The following PLXNA4 variants were observed in gnomAD, a reference collection of about 807,000 sequenced individuals.
The protein encoded by PLXNA4 is plexin-A4.
Under a neutral mutation model 191.8 loss-of-function variants are expected in PLXNA4, and 44 were observed. The observed-to-expected ratio is 0.23, with a 90% CI of 0.18 to 0.29. The LOEUF (loss-of-function observed/expected upper bound fraction) is 0.29, where lower values mean the gene tolerates loss of function less well. Ranked by LOEUF, PLXNA4 falls within the 10% of genes least tolerant of loss-of-function variation. The pLI is 1.00. For missense variants in PLXNA4, 1,800 were observed against 2,488.8 expected, an observed-to-expected ratio of 0.72 and a Z score of 5.89; for synonymous variants, 1,082 against 1,009.5, an observed-to-expected ratio of 1.07 and a Z score of -1.36.
intron 1 of PLXNA4, among the ~76,000 whole-genome samples, chr7:132,543,905 G>A (rs1800184191): frequency 6.6e-6 from 1 of 152,202 alleles, no homozygotes; most frequent in Non-Finnish European, 1.5e-5. Context: ...ATCTGAGCTA[G>A]GGCTATGGTG....
At chr7:132,151,639 G>A (rs906463587) in intron 25 of PLXNA4, among the ~76,000 whole-genome samples, 1 of 151,268 alleles carries the variant, frequency 6.6e-6, no homozygotes, top group East Asian at 1.9e-4. Context: ...AGGAAGGAGA[G>A]GAAGAAGAGG....
rs190791576 is a variant in PLXNA4, at chr7:132,228,428, C to T, written c.1646G>A (p.Arg549His). Residue 549 changes from arginine (R) to histidine (H), a missense_variant, in exon 6 of 32, where the codon CGC (arginine) becomes CAC (histidine). Physicochemically the swap from Arg to His is conservative, Grantham distance 29 (BLOSUM62 0). Transcript: ENST00000321063. ...CTGCTTCATCTCCGAGGCAAACCTG[C>T]GGGGCTCCTTGGACCGCTCACACCG... Reference protein sequence around the residue: ...KERCERSKEPRRFASEMKQCV... With the variant: ...KERCERSKEPHRFASEMKQCV... 1.0e-4 allele frequency: 162 copies of T among 1,614,122 alleles called. 1 individual carries two copies. Among genetic ancestry groups the T allele is most frequent in the East Asian group, 3.8e-4 (17 of 44,856 alleles).
Position 132,146,557 on chromosome 7 carries a change from T to C in PLXNA4, c.5008A>G (p.Ser1670Gly). The change falls in exon 28 of 32, where the codon AGC becomes GGC. Residue 1670 changes from serine (S) to glycine (G), a missense_variant. Ser to Gly is a moderately conservative substitution (Grantham distance 56, BLOSUM62 0). Transcript: ENST00000321063. ...HGDQKEGDRG[S>G]KMVSEIYLTR... ...AGGTAGATTTCAGACACCATCTTGC[T>C]CCCCCGGTCCCCCTCCTTCTGGTCT... 1 of 1,614,098 alleles carries C rather than the reference T, an allele frequency of 6.2e-7. No homozygotes were observed. The highest frequency in any genetic ancestry group is 8.5e-7 in the Non-Finnish European group (1 of 1,180,000).
intron 3 of PLXNA4, among the ~76,000 whole-genome samples, chr7:132,323,142 C>T (rs959454908): frequency 5.3e-5 from 8 of 152,158 alleles, no homozygotes; most frequent in African/African-American, 1.7e-4. Context: ...CCCACGAGTT[C>T]ACCTTGTCCA....
chr7:132,460,003 C>T (rs116838165), intron 3 of PLXNA4, among the ~76,000 whole-genome samples: 1,674 of 151,434 alleles, frequency 0.011, 26 homozygotes, highest in African/African-American at 0.039. Flanking sequence ...AATGCAGTCA[C>T]GATGGCAACC....
chr7:132,637,222 T>G (rs1048628637), intron 2 of PLXNA4, among the ~76,000 whole-genome samples: 1 of 152,194 alleles, frequency 6.6e-6, no homozygotes, highest in African/African-American at 2.4e-5. Context: ...ACAATTTGTA[T>G]GCACAATCCT....
chr7:132,164,417 A>G, intron 23 of PLXNA4, 129 bp from the exon 24 acceptor site: 2 of 1,369,776 alleles, frequency 1.5e-6, no homozygotes, highest in Non-Finnish European at 1.9e-6. Context: ...CTGCTTTTAT[A>G]CTCAGCTCTT....
intron 3 of PLXNA4, among the ~76,000 whole-genome samples, chr7:132,449,614 T>C (rs1293176118): frequency 1.3e-5 from 2 of 152,172 alleles, no homozygotes; most frequent in Non-Finnish European, 2.9e-5. Context: ...CTTTTCTGGA[T>C]CCTCTGTCAC....
At chr7:132,305,380 A>T (rs1801475697) in intron 3 of PLXNA4, among the ~76,000 whole-genome samples, 1 of 147,620 alleles carries the variant, frequency 6.8e-6, no homozygotes, top group African/African-American at 2.6e-5. Context: ...ACACACACAC[A>T]CACACACACA....
intron 2 of PLXNA4, among the ~76,000 whole-genome samples, chr7:132,610,614 T>C (rs777773230): frequency 2.0e-5 from 3 of 152,226 alleles, no homozygotes; most frequent in Non-Finnish European, 4.4e-5. Flanking sequence ...CTCTACAATG[T>C]CTTCAAGACT....
chr7:132,578,961 T>A (rs549216887), upstream of PLXNA4, among the ~76,000 whole-genome samples: 5 of 152,334 alleles, frequency 3.3e-5, no homozygotes, highest in African/African-American at 1.2e-4. Flanking sequence ...TCAATGCTAC[T>A]GCCTCTTGAA....
chr7:132,230,087 C>T (rs1157189066), intron 5 of PLXNA4, among the ~76,000 whole-genome samples: 1 of 152,176 alleles, frequency 6.6e-6, no homozygotes, highest in East Asian at 1.9e-4. Context: ...GTAAAAAACA[C>T]CCCTGAACAG....
intron 3 of PLXNA4, among the ~76,000 whole-genome samples, chr7:132,321,683 G>A (rs1802172278): frequency 6.6e-6 from 1 of 152,230 alleles, no homozygotes; most frequent in South Asian, 2.1e-4. Flanking sequence ...GGGACACGTG[G>A]ACACATGTTA....
intron 21 of PLXNA4, among the ~76,000 whole-genome samples, chr7:132,173,961 G>T (rs10261401): frequency 1.1e-4 from 17 of 152,270 alleles, no homozygotes; most frequent in African/African-American, 4.1e-4. Flanking sequence ...GGCAACCACT[G>T]AACTCTGGCC....
At chr7:132,615,261 G>A (rs906266316) in intron 2 of PLXNA4, among the ~76,000 whole-genome samples, 2 of 152,184 alleles carry the variant, frequency 1.3e-5, no homozygotes, top group African/African-American at 4.8e-5. Flanking sequence ...GGCTGGGAAA[G>A]TGATGATGTC....
chr7:132,503,367 G>A (rs1314077033), intron 2 of PLXNA4, among the ~76,000 whole-genome samples: 2 of 152,228 alleles, frequency 1.3e-5, no homozygotes, highest in Admixed American at 6.5e-5. Context: ...AGTGTTGGAT[G>A]AGGTTGCCCC....
At chr7:132,298,021 G>A (rs1040516431) in intron 4 of PLXNA4, 70 bp downstream of exon 4, 2 of 1,595,044 alleles carry the variant, frequency 1.3e-6, no homozygotes, top group Non-Finnish European at 1.7e-6. Context: ...GGCCTCCTAA[G>A]GTTTGTACTG....
At chr7:132,634,278 A>G (rs1403469090) in intron 2 of PLXNA4, among the ~76,000 whole-genome samples, 1 of 152,188 alleles carries the variant, frequency 6.6e-6, no homozygotes, top group Non-Finnish European at 1.5e-5. Flanking sequence ...TGCTTTTTAC[A>G]AACAGTAGCA....
At chr7:132,613,669 G>A (rs1803097701) in intron 2 of PLXNA4, among the ~76,000 whole-genome samples, 3 of 152,100 alleles carry the variant, frequency 2.0e-5, no homozygotes, top group Admixed American at 6.6e-5. Flanking sequence ...TAGCATGTGT[G>A]ATATTCTTGC....
Sources: gnomAD v4.1 joint callset for allele counts (sites outside exome capture counted in the v4.1 genomes callset) on GRCh38, gnomAD v4.1.1 for gene constraint, MANE v1.5 for transcripts, NCBI Gene and HGNC (gene_info 2026-07-23, HGNC 2026-07-21) for gene names.